The following TEX46 variants were observed in gnomAD, a reference collection of about 807,000 sequenced individuals.
The protein encoded by TEX46 is testis expressed 46.
A neutral mutation model predicts 5.3 loss-of-function variants in TEX46; 6 were observed. That is an observed-to-expected ratio of 1.13 (90% CI 0.62 to 2.23). TEX46 has a LOEUF of 2.23. TEX46 is among the 30% of genes most tolerant of loss of function. TEX46 has a pLI of 0.00. For missense variants in TEX46, 131 were observed against 150.9 expected, an observed-to-expected ratio of 0.87 and a Z score of 0.69; for synonymous variants, 41 against 54.6, an observed-to-expected ratio of 0.75 and a Z score of 1.10.
rs756558861 is a variant in TEX46, at chr1:23,011,104, G to A, written c.166-3C>T. The A allele has an allele frequency of 6.5e-7, 1 of 1,535,652 alleles. No homozygotes were observed. The highest frequency in any genetic ancestry group is 1.2e-5 in the South Asian group (1 of 84,030). On this transcript the variant is annotated splice_polypyrimidine_tract_variant and splice_region_variant and intron_variant, in intron 2 of 2. Transcript: ENST00000566855. ...AACAGCCGTTGGAGGATCTCGTCCT[G>A]GAGGGCAAAGCAGGCATGCGTTCTA... is the stretch of plus-strand genomic sequence containing the variant.
chr1:23,011,086 G>A lies in TEX46; in HGVS notation c.181C>T (p.Arg61Trp), dbSNP rs752865490. The change falls in exon 3 of 3, where the codon CGG becomes TGG. Residue 61 changes from arginine to tryptophan, a missense_variant. Coordinates refer to ENST00000566855, the MANE Select transcript of TEX46 (RefSeq NM_001242521.2). ...PEPQQDEILQ[R>W]LLFSEMKMKV... ...ATCTTCATTTCACTGAACAACAGCCGTTGGAGGATCTCGTCCTGGAGGGCA... is the reference window on the plus strand; with the variant it reads ...ATCTTCATTTCACTGAACAACAGCCATTGGAGGATCTCGTCCTGGAGGGCA... 218 of 1,535,822 alleles carry A rather than the reference G, an allele frequency of 1.4e-4. No individual in the cohort carries two copies. Among genetic ancestry groups the A allele is most frequent in the Admixed American group, 2.7e-4 (14 of 50,964 alleles).
intron 2 of TEX46, among the ~76,000 whole-genome samples, chr1:23,012,978 C>T (rs376696869): frequency 2.0e-5 from 3 of 150,822 alleles, no homozygotes; most frequent in East Asian, 3.9e-4. Context: ...GATTCTCCCA[C>T]CTCAGTCTCC....
chr1:23,014,202 A>C, intron 1 of TEX46, 157 bp from the exon 2 acceptor site: 1 of 1,315,328 alleles, frequency 7.6e-7, no homozygotes, highest in African/African-American at 1.6e-5. Context: ...TAACAATAAT[A>C]ATAACTCCTC....
In TEX46 at chr1:23,015,765, C is replaced by G; in HGVS notation, c.2+7G>C. On this transcript the variant is annotated splice_region_variant and intron_variant, in intron 1 of 2. Transcript: ENST00000566855. ...AAAAAAAACAAATACCGTATGATTC[C>G]ACTTACATGAGCTATCTACAATAGT... The G allele has an allele frequency of 1.4e-6, 1 of 697,720 alleles. No homozygotes were observed. The highest frequency in any genetic ancestry group is 2.0e-5 in the Admixed American group (1 of 49,560). The allele number at this position is 697,720 out of a possible 1,614,324, so 43.2% of individuals were successfully genotyped here.
intron 2 of TEX46, among the ~76,000 whole-genome samples, chr1:23,013,134 C>T (rs1641375799): frequency 6.6e-6 from 1 of 152,046 alleles, no homozygotes; most frequent in Admixed American, 6.6e-5. Context: ...TCCTAAAGTG[C>T]AGGGATTATA....
At chr1:23,012,834 T>C (rs545168792) in intron 2 of TEX46, among the ~76,000 whole-genome samples, 1 of 151,210 alleles carries the variant, frequency 6.6e-6, no homozygotes, top group East Asian at 2.0e-4. Context: ...TCACTGCACA[T>C]ACACATCCAT....
chr1:23,014,505 G>A (rs1641394324), intron 1 of TEX46, among the ~76,000 whole-genome samples: 1 of 152,040 alleles, frequency 6.6e-6, no homozygotes, highest in African/African-American at 2.4e-5. Flanking sequence ...ATGTAATATT[G>A]ATTAGGTTTT....
intron 1 of TEX46, chr1:23,014,304 A>T (rs370477180): frequency 5.5e-5 from 13 of 236,370 alleles, no homozygotes; most frequent in African/African-American, 2.3e-4. Flanking sequence ...CAGGTGATGT[A>T]GGCCTCCTCA....
intron 1 of TEX46, among the ~76,000 whole-genome samples, chr1:23,015,467 A>AAAAAAAAAAAC (rs1491026162): frequency 7.6e-6 from 1 of 131,898 alleles, no homozygotes; most frequent in African/African-American, 2.8e-5. Context: ...AAAAAAAAAA[A>AAAAAAAAAAAC]AGCATACATT....
At chr1:23,012,354 T>C (rs74898479) in intron 2 of TEX46, among the ~76,000 whole-genome samples, 1 of 65,042 alleles carries the variant, frequency 1.5e-5, no homozygotes, top group African/African-American at 4.7e-5. Flanking sequence ...AAAAACTAAA[T>C]ACATAAAAAA....
At position 23,013,983 on chromosome 1, in the gene TEX46, C is replaced by A; in HGVS notation, c.65G>T (p.Ser22Ile). Reference protein sequence around the residue: ...TIGAVAAWLMSYKPALFGFLF... With the variant: ...TIGAVAAWLMIYKPALFGFLF... Reference sequence around the variant, plus strand: ...GAACCCAAACAAGGCTGGCTTATAGCTCATCAGCCAAGCTGCCACTGCTCC... The same window carrying A: ...GAACCCAAACAAGGCTGGCTTATAGATCATCAGCCAAGCTGCCACTGCTCC... Residue 22 changes from serine (S) to isoleucine (I), a missense_variant, in exon 2 of 3, where the codon AGC (serine) becomes ATC (isoleucine). Ser to Ile is a moderately radical substitution (Grantham distance 142). Transcript: ENST00000566855. The A allele has an allele frequency of 1.3e-6, 2 of 1,536,004 alleles. No homozygotes were observed. The highest frequency in any genetic ancestry group is 1.7e-6 in the Non-Finnish European group (2 of 1,146,808).
intron 2 of TEX46, among the ~76,000 whole-genome samples, chr1:23,011,353 T>G (rs1641349490): frequency 2.6e-5 from 4 of 152,014 alleles, no homozygotes; most frequent in Admixed American, 2.6e-4. Context: ...ATTGCCTCAT[T>G]TTGTGGAGAC....
intron 1 of TEX46, among the ~76,000 whole-genome samples, chr1:23,014,337 C>T (rs1273083155): frequency 6.6e-6 from 1 of 152,072 alleles, no homozygotes; most frequent in African/African-American, 2.4e-5. Context: ...TACTTCTGGG[C>T]CTCGCTACTA....
intron 2 of TEX46, 102 bp downstream of exon 2, chr1:23,013,781 C>T: frequency 1.8e-6 from 2 of 1,084,264 alleles, no homozygotes; most frequent in Non-Finnish European, 2.6e-6. Flanking sequence ...ATTCCCCAGT[C>T]TTGCCCCATT....
intron 2 of TEX46, 130 bp from the exon 3 acceptor site, chr1:23,011,231 G>C (rs367907168): frequency 3.2e-5 from 21 of 656,974 alleles, no homozygotes; most frequent in African/African-American, 3.1e-4. Flanking sequence ...AGGAAAAGGG[G>C]AAAGTTGGTT....
intron 1 of TEX46, among the ~76,000 whole-genome samples, 173 bp downstream of exon 1, chr1:23,015,599 A>T (rs1641409217): frequency 6.6e-6 from 1 of 152,178 alleles, no homozygotes. Flanking sequence ...AAGTAACCCA[A>T]GTGTCCATCC....
chr1:23,013,401 G>A (rs1641378303), intron 2 of TEX46, among the ~76,000 whole-genome samples: 1 of 151,102 alleles, frequency 6.6e-6, no homozygotes, highest in African/African-American at 2.4e-5. Context: ...TTGAACTCCT[G>A]ACTTCAAGTG....
chr1:23,015,665 G>C, intron 1 of TEX46, 107 bp downstream of exon 1: 1 of 643,192 alleles, frequency 1.6e-6, no homozygotes, highest in Non-Finnish European at 2.8e-6. Flanking sequence ...GCCTTAAAAA[G>C]GAAGGAAATT....
intron 2 of TEX46, among the ~76,000 whole-genome samples, chr1:23,011,798 G>A (rs1641354366): frequency 6.6e-6 from 1 of 152,180 alleles, no homozygotes; most frequent in African/African-American, 2.4e-5. Flanking sequence ...TCATAGGAAT[G>A]CATGAGATGG....
Sources: gnomAD v4.1 joint callset for allele counts (sites outside exome capture counted in the v4.1 genomes callset) on GRCh38, gnomAD v4.1.1 for gene constraint, MANE v1.5 for transcripts, NCBI Gene and HGNC (gene_info 2026-07-23, HGNC 2026-07-21) for gene names.